The following FBXL20 variants were observed in gnomAD, a reference collection of about 807,000 sequenced individuals.
FBXL20 encodes the protein F-box and leucine rich repeat protein 20.
In FBXL20, 11 loss-of-function variants were observed where a neutral mutation model predicts 64.0. The ratio of observed to expected loss-of-function variants is 0.17; its 90% CI spans 0.11 to 0.28. FBXL20 has a LOEUF of 0.28. FBXL20 is among the 10% of genes least tolerant of loss of function. The pLI is 1.00. For missense variants in FBXL20, 303 were observed against 526.2 expected, an observed-to-expected ratio of 0.58 and a Z score of 4.15; for synonymous variants, 184 against 189.0, an observed-to-expected ratio of 0.97 and a Z score of 0.22.
intron 3 of FBXL20, among the ~76,000 whole-genome samples, chr17:39,302,934 C>CAA (rs1015470656): frequency 3.3e-5 from 5 of 150,302 alleles, no homozygotes; most frequent in Non-Finnish European, 7.4e-5. Flanking sequence ...TTTTTTGAGA[C>CAA]AGAGTCTCGC....
intron 1 of FBXL20, among the ~76,000 whole-genome samples, chr17:39,367,291 T>G (rs912179955): frequency 1.3e-4 from 20 of 151,968 alleles, no homozygotes; most frequent in Non-Finnish European, 2.1e-4. Context: ...AGTCAAACAT[T>G]GGACCTCCTG....
At chr17:39,284,621 C>T (rs569783906) in intron 7 of FBXL20, among the ~76,000 whole-genome samples, 2 of 152,060 alleles carry the variant, frequency 1.3e-5, no homozygotes, top group East Asian at 3.9e-4. Context: ...TGAGCTCAAG[C>T]GATCCTCTTA....
intron 1 of FBXL20, among the ~76,000 whole-genome samples, chr17:39,364,914 A>T (rs755311010): frequency 1.1e-4 from 17 of 152,212 alleles, no homozygotes; most frequent in Non-Finnish European, 2.5e-4. Context: ...CTGCATAATG[A>T]ATTGTTTTAA....
intron 6 of FBXL20, among the ~76,000 whole-genome samples, chr17:39,286,982 G>T: frequency 7.3e-6 from 1 of 136,672 alleles, no homozygotes; most frequent in Non-Finnish European, 1.5e-5. Flanking sequence ...GCACGATCTT[G>T]GCTCAATGCA....
chr17:39,294,102 G>A (rs1229356116), intron 6 of FBXL20, among the ~76,000 whole-genome samples: 1 of 151,864 alleles, frequency 6.6e-6, no homozygotes, highest in African/African-American at 2.4e-5. Context: ...TTTACAGCAG[G>A]AGGGCAGTTA....
intron 1 of FBXL20, among the ~76,000 whole-genome samples, chr17:39,349,408 G>GT (rs1240668838): frequency 1.4e-5 from 2 of 145,310 alleles, no homozygotes; most frequent in East Asian, 4.1e-4. Context: ...CCATAGTGGT[G>GT]TCATGTCAGC....
intron 13 of FBXL20, among the ~76,000 whole-genome samples, chr17:39,264,671 C>T (rs2046776630): frequency 6.6e-6 from 1 of 152,164 alleles, no homozygotes; most frequent in African/African-American, 2.4e-5. Flanking sequence ...AAAATTACCC[C>T]TTCCTCAAAT....
intron 1 of FBXL20, among the ~76,000 whole-genome samples, chr17:39,394,567 CTT>C (rs66762447): frequency 2.0e-4 from 27 of 138,006 alleles, no homozygotes; most frequent in Admixed American, 2.2e-4. Flanking sequence ...TTTTTCTTTT[CTT>C]TTTTTTTTTT....
intron 2 of FBXL20, among the ~76,000 whole-genome samples, chr17:39,311,054 C>A (rs1391180593): frequency 1.3e-5 from 2 of 151,908 alleles, no homozygotes; most frequent in African/African-American, 4.8e-5. Context: ...GTAGCCCCAG[C>A]TACTCCAGAG....
chr17:39,399,969 T>C (rs1488299310), intron 1 of FBXL20, among the ~76,000 whole-genome samples: 2 of 152,180 alleles, frequency 1.3e-5, no homozygotes, highest in Non-Finnish European at 2.9e-5. Context: ...CTGCTGAACG[T>C]CTATTCAGCA....
intron 2 of FBXL20, among the ~76,000 whole-genome samples, chr17:39,337,764 G>A (rs1294058597): frequency 1.3e-5 from 2 of 151,774 alleles, no homozygotes. Flanking sequence ...CACCCCATCC[G>A]GGAGGGAGGT....
At chr17:39,308,731 A>T (rs1567873341) in intron 2 of FBXL20, among the ~76,000 whole-genome samples, 1 of 151,854 alleles carries the variant, frequency 6.6e-6, no homozygotes, top group African/African-American at 2.4e-5. Context: ...ACGCCCGGCT[A>T]ATTTTTTGTA....
intron 1 of FBXL20, among the ~76,000 whole-genome samples, chr17:39,378,870 C>T (rs576399154): frequency 1.4e-4 from 21 of 151,420 alleles, no homozygotes; most frequent in East Asian, 9.9e-4. Context: ...CTCGGCCTCT[C>T]AAAGTGCTGG....
chr17:39,305,001 C>G (rs1259837954), intron 2 of FBXL20, among the ~76,000 whole-genome samples: 4 of 151,946 alleles, frequency 2.6e-5, no homozygotes. Context: ...AGGTTATCCG[C>G]CCTGTCTCAG....
At chr17:39,269,519 A>ACTG (rs1400875223) in intron 11 of FBXL20, among the ~76,000 whole-genome samples, 2 of 90,282 alleles carry the variant, frequency 2.2e-5, no homozygotes, top group African/African-American at 9.3e-5. Context: ...TTTTTTTTTG[A>ACTG]GACAGAGTTT....
At chr17:39,352,372 A>G (rs534671027) in intron 1 of FBXL20, among the ~76,000 whole-genome samples, 9 of 152,126 alleles carry the variant, frequency 5.9e-5, no homozygotes, top group Non-Finnish European at 1.0e-4. Flanking sequence ...CTGAAAAAAT[A>G]AATACATTAA....
At chr17:39,267,246 G>T (rs1312610290) in intron 12 of FBXL20, among the ~76,000 whole-genome samples, 1 of 151,582 alleles carries the variant, frequency 6.6e-6, no homozygotes, top group African/African-American at 2.4e-5. Flanking sequence ...GTGAGACTCT[G>T]TCCTCCCCAC....
intron 14 of FBXL20, 83 bp from the exon 15 acceptor site, chr17:39,261,650 G>C (rs2046746416): frequency 2.0e-6 from 2 of 1,006,166 alleles, no homozygotes; most frequent in Non-Finnish European, 3.0e-6. Context: ...AACTACCGAG[G>C]GGCTCAATGA....
At chr17:39,386,082 C>T (rs1247559545) in intron 1 of FBXL20, among the ~76,000 whole-genome samples, 1 of 148,748 alleles carries the variant, frequency 6.7e-6, no homozygotes, top group East Asian at 2.0e-4. Context: ...CGGTGGCTCA[C>T]ACCTGTAATC....
Sources: allele counts gnomAD v4.1 joint callset (sites outside exome capture counted in the v4.1 genomes callset), GRCh38; gene constraint gnomAD v4.1.1; transcripts MANE v1.5; gene names NCBI Gene and HGNC (gene_info 2026-07-23, HGNC 2026-07-21).